The following SHOC2 variants were observed in gnomAD, a reference collection of about 807,000 sequenced individuals.
SHOC2 encodes leucine-rich repeat protein SHOC-2.
A neutral mutation model predicts 50.2 loss-of-function variants in SHOC2; 4 were observed. The ratio of observed to expected loss-of-function variants is 0.08; its 90% CI spans 0.04 to 0.18. SHOC2 has a LOEUF of 0.18. SHOC2 is among the 10% of genes least tolerant of loss of function. The probability of loss-of-function intolerance (pLI) is 1.00; values close to 1 mark genes in which losing one functional copy is unlikely to be tolerated. For synonymous variants in SHOC2, 218 were observed against 244.5 expected (o/e 0.89, Z 1.01); for missense variants, 388 against 669.6 (o/e 0.58, Z 4.64).
intron 1 of SHOC2, among the ~76,000 whole-genome samples, chr10:110,952,805 A>C (rs1013869253): frequency 6.6e-6 from 1 of 152,160 alleles, no homozygotes; most frequent in African/African-American, 2.4e-5. Flanking sequence ...GAGTGAGAAC[A>C]TGCAATGTTT....
At chr10:111,007,775 CACTT>C in intron 6 of SHOC2, 122 bp downstream of exon 6, 2 of 979,152 alleles carry the variant, frequency 2.0e-6, no homozygotes, top group South Asian at 1.4e-5. Flanking sequence ...TGTTAGAACT[CACTT>C]AAACATACAA....
At chr10:111,000,342 A>G (rs1590831148) in intron 3 of SHOC2, 73 bp from the exon 4 acceptor site, 2 of 1,442,292 alleles carry the variant, frequency 1.4e-6, no homozygotes, top group East Asian at 2.3e-5. Flanking sequence ...AATAGTTAGT[A>G]GATAGCCTGT....
chr10:110,927,955 T>A (rs1272597503), intron 1 of SHOC2, among the ~76,000 whole-genome samples: 1 of 152,216 alleles, frequency 6.6e-6, no homozygotes, highest in Non-Finnish European at 1.5e-5. Flanking sequence ...TTGATAACTC[T>A]GATATAAATA....
chr10:110,963,639 C>A (rs1590803829), intron 1 of SHOC2, among the ~76,000 whole-genome samples: 1 of 152,246 alleles, frequency 6.6e-6, no homozygotes, highest in South Asian at 2.1e-4. Context: ...AGGCTGTGAG[C>A]ACATACTACC....
chr10:110,925,384 C>T (rs765952496), intron 1 of SHOC2, among the ~76,000 whole-genome samples: 3 of 152,058 alleles, frequency 2.0e-5, no homozygotes, highest in Admixed American at 6.5e-5. Flanking sequence ...TAATTTTTCA[C>T]GCAGTATTTT....
chr10:111,009,772 T>C lies in SHOC2; in HGVS notation c.1482T>C (p.Thr494=), dbSNP rs1848534853. The change falls in exon 8 of 9, where the codon ACT becomes ACC. Residue 494 remains threonine, a synonymous_variant. Transcript: ENST00000369452. ...TTCCCAGAGGCATTGGTCACCTTAC[T>C]AATCTCACACATCTGGGCCTTGGAG... The part of the protein sequence containing the change: ...TTLPRGIGHL[T]NLTHLGLGEN... The C allele has an allele frequency of 6.2e-7, 1 of 1,613,446 alleles. No homozygotes were observed. Among genetic ancestry groups the C allele is most frequent in the African/African-American group, 1.3e-5 (1 of 74,900 alleles).
chr10:110,975,972 G>A (rs376138395), intron 2 of SHOC2, among the ~76,000 whole-genome samples: 6 of 151,882 alleles, frequency 4.0e-5, no homozygotes, highest in Middle Eastern at 3.4e-3. Flanking sequence ...GTGCAATGGC[G>A]CAGTCTTGGC....
At chr10:110,953,024 CAT>C (rs1173921816) in intron 1 of SHOC2, among the ~76,000 whole-genome samples, 1 of 152,170 alleles carries the variant, frequency 6.6e-6, no homozygotes, top group Non-Finnish European at 1.5e-5. Flanking sequence ...CTGCAGTAAA[CAT>C]ATGTGTGCAT....
intron 6 of SHOC2, among the ~76,000 whole-genome samples, chr10:111,008,113 C>G (rs891931360): frequency 2.7e-5 from 4 of 147,108 alleles, no homozygotes; most frequent in Non-Finnish European, 6.0e-5. Flanking sequence ...ATTTCTAGCC[C>G]TCTAATTTTA....
chr10:110,919,789 G>A, intron 1 of SHOC2, 132 bp downstream of exon 1: 1 of 393,090 alleles, frequency 2.5e-6, no homozygotes, highest in East Asian at 3.6e-5. Flanking sequence ...CGAGCCGGCA[G>A]CGCCGGGGCG....
In SHOC2 at chr10:110,940,947, T is replaced by G. The variant is rs922969052; in HGVS notation, c.-235+21290T>G. ...TTTTTTTTTTTTTTTTTTTTTTTTT[T>G]TGTGACAGGGTCTAGCTCTGTTGCC... On this transcript the variant is annotated intron_variant, in intron 1 of 8. Coordinates refer to ENST00000369452, the MANE Select transcript of SHOC2 (RefSeq NM_007373.4). Among the ~76,000 whole-genome samples the G allele has an allele frequency of 1.4e-4, 10 of 73,790 alleles. 1 individual carries two copies. Among genetic ancestry groups the G allele is most frequent in the African/African-American group, 2.6e-4 (5 of 19,374 alleles). The allele number at this position is 73,790 out of a possible 152,430, so 48.4% of individuals were successfully genotyped here.
rs1370316458 is a variant in SHOC2 at position 110,973,877 on chromosome 10, T to C, written c.703+8816T>C. On this transcript the variant is annotated intron_variant, in intron 2 of 8. Coordinates refer to ENST00000369452, the MANE Select transcript of SHOC2 (RefSeq NM_007373.4). The stretch of plus-strand genomic sequence containing the variant: ...GCTTTTAATGTTCCATATATATATA[T>C]ACACTATATATATATATAGTGGTGT... Among the ~76,000 whole-genome samples, 4 of 151,704 alleles carry C rather than the reference T, an allele frequency of 2.6e-5. 1 individual carries two copies. Among genetic ancestry groups the C allele is most frequent in the South Asian group, 4.1e-4 (2 of 4,826 alleles).
chr10:110,968,350 A>C (rs551985705), intron 2 of SHOC2, among the ~76,000 whole-genome samples: 3 of 152,266 alleles, frequency 2.0e-5, no homozygotes, highest in Non-Finnish European at 4.4e-5. Context: ...GAGAATGTTT[A>C]TAAAATAAGA....
chr10:110,998,140 T>C (rs1018806749), intron 3 of SHOC2, among the ~76,000 whole-genome samples: 9 of 151,778 alleles, frequency 5.9e-5, no homozygotes, highest in African/African-American at 2.2e-4. Context: ...GCTGGGACTA[T>C]AGGCACACAC....
At chr10:110,966,734 T>C (rs17128212) in intron 2 of SHOC2, among the ~76,000 whole-genome samples, 2 of 152,064 alleles carry the variant, frequency 1.3e-5, no homozygotes, top group African/African-American at 4.8e-5. Context: ...GGCTACCTAA[T>C]CTTTTGACCT....
chr10:110,970,628 T>C (rs1462577410), intron 2 of SHOC2, among the ~76,000 whole-genome samples: 2 of 152,158 alleles, frequency 1.3e-5, no homozygotes, highest in African/African-American at 2.4e-5. Context: ...CCATAGTGGC[T>C]GTACCAATTT....
At position 110,984,749 on chromosome 10, in the gene SHOC2, A is replaced by T. The variant is rs7898175; in HGVS notation, c.704-879A>T. ...CTTTCAACCAGAATGGAAAGGGAGA[A>T]ATATACCTTATTTTCTGTTCTTTTA... On this transcript the variant is annotated intron_variant, in intron 2 of 8. Coordinates refer to ENST00000369452, the MANE Select transcript of SHOC2 (RefSeq NM_007373.4). Among the ~76,000 whole-genome samples the T allele has an allele frequency of 1.9e-3, 292 of 152,318 alleles. 1 individual carries two copies. The highest frequency in any genetic ancestry group is 6.0e-3 in the African/African-American group (248 of 41,588).
intron 8 of SHOC2, 89 bp downstream of exon 8, chr10:111,009,919 G>GT (rs2134180931): frequency 1.2e-6 from 1 of 801,452 alleles, no homozygotes; most frequent in South Asian, 1.5e-5. Flanking sequence ...CAAATCTATT[G>GT]TTTTTTAAAC....
chr10:110,945,084 C>T (rs754247468), intron 1 of SHOC2, among the ~76,000 whole-genome samples: 1 of 152,190 alleles, frequency 6.6e-6, no homozygotes, highest in Non-Finnish European at 1.5e-5. Context: ...ATTTCATTCT[C>T]AGCTTTTCCT....
Sources: gnomAD v4.1 joint callset for allele counts (sites outside exome capture counted in the v4.1 genomes callset) on GRCh38, gnomAD v4.1.1 for gene constraint, MANE v1.5 for transcripts, NCBI Gene and HGNC (gene_info 2026-07-23, HGNC 2026-07-21) for gene names.